Variants in RBFOX1 observed in about 807,000 individuals in gnomAD.
The protein encoded by RBFOX1 is RNA binding protein fox-1 homolog 1.
RBFOX1 carries 8 observed loss-of-function variants against 57.7 expected under a neutral mutation model. The observed-to-expected ratio is 0.14, with a 90% CI of 0.08 to 0.25. RBFOX1 has a LOEUF of 0.25. Among genes scored for constraint, RBFOX1 ranks in the 10% least tolerant of loss-of-function variants. The probability of loss-of-function intolerance (pLI) is 1.00; values close to 1 mark genes in which losing one functional copy is unlikely to be tolerated. For missense variants in RBFOX1, 611 were observed against 548.5 expected, an observed-to-expected ratio of 1.11 and a Z score of -1.14; for synonymous variants, 326 against 222.4, an observed-to-expected ratio of 1.47 and a Z score of -4.15.
intron 3 of RBFOX1, among the ~76,000 whole-genome samples, chr16:6,776,953 TGA>T (rs1407122620): frequency 1.3e-5 from 2 of 152,202 alleles, no homozygotes; most frequent in Non-Finnish European, 2.9e-5. Context: ...ATAAATTATC[TGA>T]GAGGTTGAAA....
At chr16:6,381,475 A>G (rs2091808461) in intron 2 of RBFOX1, among the ~76,000 whole-genome samples, 1 of 152,190 alleles carries the variant, frequency 6.6e-6, no homozygotes, top group African/African-American at 2.4e-5. Context: ...GTCAGCGAGG[A>G]GTGATCAGCG....
intron 3 of RBFOX1, among the ~76,000 whole-genome samples, chr16:6,746,290 G>A (rs915509834): frequency 6.6e-6 from 1 of 152,074 alleles, no homozygotes; most frequent in Non-Finnish European, 1.5e-5. Context: ...AGAAGTGGAA[G>A]TCAACTTGAA....
chr16:7,057,208 C>T (rs1598328592), intron 4 of RBFOX1, among the ~76,000 whole-genome samples: 1 of 152,140 alleles, frequency 6.6e-6, no homozygotes, highest in African/African-American at 2.4e-5. Context: ...AGGGCAGGCT[C>T]TGTATTTGAT....
At chr16:5,891,420 T>C (rs752664904) in intron 4 of RBFOX1, among the ~76,000 whole-genome samples, 1 of 152,240 alleles carries the variant, frequency 6.6e-6, no homozygotes, top group Non-Finnish European at 1.5e-5. Flanking sequence ...TGCAACACTT[T>C]AATTTACATC....
At chr16:7,131,776 T>A (rs866011225) in intron 4 of RBFOX1, among the ~76,000 whole-genome samples, 8 of 152,134 alleles carry the variant, frequency 5.3e-5, no homozygotes, top group African/African-American at 1.9e-4. Flanking sequence ...GGAGCTTGAT[T>A]TGGGGCCTGT....
chr16:6,741,542 A>T (rs1433504187), intron 3 of RBFOX1, among the ~76,000 whole-genome samples: 1 of 151,716 alleles, frequency 6.6e-6, no homozygotes, highest in Non-Finnish European at 1.5e-5. Flanking sequence ...GGTGGTGCGC[A>T]CCTGTAATCC....
At chr16:7,402,222 C>G (rs565603099) in intron 4 of RBFOX1, among the ~76,000 whole-genome samples, 3 of 152,102 alleles carry the variant, frequency 2.0e-5, no homozygotes, top group Non-Finnish European at 2.9e-5. Flanking sequence ...TGAGTCTTGT[C>G]TGAAGACTCA....
intron 1 of RBFOX1, among the ~76,000 whole-genome samples, chr16:5,275,203 C>T (rs2063111799): frequency 6.6e-6 from 1 of 152,030 alleles, no homozygotes; most frequent in Non-Finnish European, 1.5e-5. Flanking sequence ...TTTATGGGGT[C>T]CATGTGAGAT....
intron 12 of RBFOX1, among the ~76,000 whole-genome samples, chr16:7,663,504 C>CGTGTGTGTGTGTGTGT (rs57358282): frequency 2.0e-5 from 3 of 148,846 alleles, no homozygotes; most frequent in African/African-American, 4.9e-5. Flanking sequence ...GTCAGTACAG[C>CGTGTGTGTGTGTGTGT]GTGTGTGTGT....
At chr16:6,629,707 A>G (rs1235468782) in intron 2 of RBFOX1, among the ~76,000 whole-genome samples, 1 of 152,208 alleles carries the variant, frequency 6.6e-6, no homozygotes, top group Admixed American at 6.5e-5. Flanking sequence ...GCCATTTGAC[A>G]TATAGGTGGA....
At chr16:6,803,495 G>A (rs901589060) in intron 3 of RBFOX1, among the ~76,000 whole-genome samples, 1 of 152,188 alleles carries the variant, frequency 6.6e-6, no homozygotes, top group African/African-American at 2.4e-5. Context: ...TAGCTCCCCA[G>A]TGCAATCTGT....
chr16:7,230,732 A>G (rs921397026), intron 4 of RBFOX1, among the ~76,000 whole-genome samples: 2 of 152,182 alleles, frequency 1.3e-5, no homozygotes, highest in Non-Finnish European at 2.9e-5. Context: ...CACTTCTGTC[A>G]ACTTAGCACC....
intron 2 of RBFOX1, among the ~76,000 whole-genome samples, chr16:6,450,800 T>TACATATAC: frequency 6.8e-5 from 1 of 14,792 alleles, no homozygotes; most frequent in African/African-American, 5.2e-4. Flanking sequence ...CATATATATA[T>TACATATAC]GTATATATAT....
chr16:7,429,230 C>T (rs1177481741), intron 4 of RBFOX1, among the ~76,000 whole-genome samples: 1 of 152,220 alleles, frequency 6.6e-6, no homozygotes, highest in Non-Finnish European at 1.5e-5. Flanking sequence ...CATCCTCTCT[C>T]TGGTCACCCC....
At chr16:6,479,977 G>A (rs569277247) in intron 2 of RBFOX1, among the ~76,000 whole-genome samples, 1 of 151,776 alleles carries the variant, frequency 6.6e-6, no homozygotes, top group East Asian at 1.9e-4. Flanking sequence ...CTTAAACCCA[G>A]GGGCAGAGGT....
At chr16:7,295,687 C>T (rs948428791) in intron 4 of RBFOX1, among the ~76,000 whole-genome samples, 1 of 152,000 alleles carries the variant, frequency 6.6e-6, no homozygotes, top group Non-Finnish European at 1.5e-5. Context: ...GGGGAGTACA[C>T]CTTTTGCAGT....
intron 2 of RBFOX1, among the ~76,000 whole-genome samples, chr16:6,647,390 G>A (rs1164282030): frequency 6.6e-6 from 1 of 152,078 alleles, no homozygotes; most frequent in Non-Finnish European, 1.5e-5. Context: ...GATTATAGAT[G>A]CCCACCACCA....
intron 3 of RBFOX1, among the ~76,000 whole-genome samples, chr16:6,755,896 C>A (rs1442139996): frequency 2.0e-5 from 3 of 152,122 alleles, no homozygotes; most frequent in African/African-American, 7.2e-5. Context: ...CTGAAAACTG[C>A]AGCAGATGCA....
At chr16:6,779,023 A>G (rs1555459184) in intron 3 of RBFOX1, among the ~76,000 whole-genome samples, 1 of 152,048 alleles carries the variant, frequency 6.6e-6, no homozygotes, top group Non-Finnish European at 1.5e-5. Flanking sequence ...ACATTCCAAA[A>G]CTACTACTCT....
Sources: allele counts gnomAD v4.1 joint callset (sites outside exome capture counted in the v4.1 genomes callset), GRCh38; gene constraint gnomAD v4.1.1; transcripts MANE v1.5; gene names NCBI Gene and HGNC (gene_info 2026-07-23, HGNC 2026-07-21).